The following MINK1 variants were observed in gnomAD, a reference collection of about 807,000 sequenced individuals.
MINK1 encodes the protein misshapen like kinase 1.
In MINK1, 46 loss-of-function variants were observed where a neutral mutation model predicts 178.4. The observed-to-expected ratio is 0.26, with a 90% CI of 0.20 to 0.33. The LOEUF (loss-of-function observed/expected upper bound fraction) is 0.33. Ranked by LOEUF, MINK1 falls within the 10% of genes least tolerant of loss-of-function variation. The pLI, the probability that MINK1 is intolerant of heterozygous loss-of-function variation, is 1.00. For missense variants in MINK1, 1,366 were observed against 1,814.9 expected (o/e 0.75, Z 4.49); for synonymous variants, 797 against 709.7 (o/e 1.12, Z -1.96).
rs938969125 is a variant in MINK1, at chr17:4,868,620, G to A, written c.58-9697G>A. Among the ~76,000 whole-genome samples the A allele has an allele frequency of 3.9e-5, 6 of 152,140 alleles. 1 individual carries two copies. The highest frequency in any genetic ancestry group is 4.8e-5 in the African/African-American group (2 of 41,422). Reference sequence around the variant, plus strand: ...TACTTTTTATGGATGAATAATATTCGATTGTATAGATATGCCATATTTTAT... The same window carrying A: ...TACTTTTTATGGATGAATAATATTCAATTGTATAGATATGCCATATTTTAT... On this transcript the variant is annotated intron_variant, in intron 1 of 31. Transcript: ENST00000355280.
At position 4,833,350 on chromosome 17, in the gene MINK1, C is replaced by T; in HGVS notation, c.-234C>T. The stretch of plus-strand genomic sequence containing the variant: ...CGCTTCCACCCTCCCAGTGCGCGGT[C>T]GCTCCGCGCCTGCGCAGGAGAGGTG... On this transcript the variant is annotated 5_prime_UTR_variant, in exon 1 of 32. Transcript: ENST00000355280. This position sits in a 1 kb window ranked among gnomAD's most constrained non-coding sequence, Gnocchi z 4.8. The T allele has an allele frequency of 1.6e-5, 7 of 433,436 alleles. No individual in the cohort carries two copies. In the South Asian group the frequency reaches 2.0e-4, roughly 13 times the overall value. 26.8% of individuals were successfully genotyped at this position (433,436 alleles called of 1,614,324 possible).
At position 4,890,742 on chromosome 17, in the gene MINK1, A is replaced by G; in HGVS notation, c.1566+7A>G. On this transcript the variant is annotated splice_region_variant and intron_variant, in intron 14 of 31. Coordinates refer to ENST00000355280, the MANE Select transcript of MINK1 (RefSeq NM_153827.5). ...ACCAGCCTGGGCCCGAGAGGTACTC[A>G]CTGCCTCCTTTGCCTCCTGAGACTG... 2 of 1,543,002 alleles carry G rather than the reference A, an allele frequency of 1.3e-6. No individual in the cohort carries two copies. Among genetic ancestry groups the G allele is most frequent in the Non-Finnish European group, 1.8e-6 (2 of 1,141,408 alleles).
At chr17:4,847,365 C>T (rs1302309875) in intron 1 of MINK1, among the ~76,000 whole-genome samples, 3 of 152,140 alleles carry the variant, frequency 2.0e-5, no homozygotes, top group South Asian at 4.1e-4. Context: ...CAGCCTCTAG[C>T]GTAGCTGAGA....
intron 1 of MINK1, among the ~76,000 whole-genome samples, chr17:4,850,709 T>C (rs1911815460): frequency 2.0e-5 from 3 of 152,202 alleles, no homozygotes; most frequent in Admixed American, 2.0e-4. Flanking sequence ...TTCTTGGTCA[T>C]GAAGCTTCTC....
chr17:4,871,897 A>C (rs1915901044), intron 1 of MINK1, among the ~76,000 whole-genome samples: 1 of 152,170 alleles, frequency 6.6e-6, no homozygotes, highest in African/African-American at 2.4e-5. Flanking sequence ...CCCAGGCTGA[A>C]GTACAGTGGC....
rs1298536850 is a variant in MINK1 at position 4,890,952 on chromosome 17, T to C, written c.1568T>C (p.Val523Ala). ...PADKPAWARE[V>A]EERTRMNKQQ... ...GCTTGACATCCCTTCACATCACAGGTAGAAGAGAGAACAAGGATGAACAAG... is the reference window on the plus strand; with the variant it reads ...GCTTGACATCCCTTCACATCACAGGCAGAAGAGAGAACAAGGATGAACAAG... Residue 523 changes from valine to alanine, a missense_variant and splice_region_variant, in exon 15 of 32, where the codon GTA becomes GCA. This residue lies in a region of MINK1 where 709 missense variants were observed against 692.3 expected (regional missense o/e 1.02). Coordinates refer to ENST00000355280, the MANE Select transcript of MINK1 (RefSeq NM_153827.5). The C allele has an allele frequency of 2.6e-6, 4 of 1,554,274 alleles. No homozygotes were observed. The highest frequency in any genetic ancestry group is 3.9e-5 in the Admixed American group (2 of 51,224).
At chr17:4,889,907 C>T (rs1005357366) in intron 13 of MINK1, 144 bp downstream of exon 13, 1 of 652,900 alleles carries the variant, frequency 1.5e-6, no homozygotes, top group Non-Finnish European at 2.6e-6. Flanking sequence ...TCTCTGTTTT[C>T]TCCCACCCTT....
intron 1 of MINK1, among the ~76,000 whole-genome samples, chr17:4,839,801 C>T (rs956804049): frequency 7.2e-5 from 11 of 152,202 alleles, no homozygotes; most frequent in Admixed American, 5.2e-4. Context: ...AGTGGCTAGA[C>T]AGCCTGAGGT....
rs1008407766 is a variant in MINK1 at position 4,887,515 on chromosome 17, C to T, written c.1020-65C>T. 70 of 1,399,364 alleles carry T rather than the reference C, an allele frequency of 5.0e-5. No individual in the cohort carries two copies. The highest frequency in any genetic ancestry group is 2.0e-4 in the Admixed American group (7 of 34,734). 86.7% of individuals were successfully genotyped at this position (1,399,364 alleles called of 1,614,324 possible). A position where few individuals can be genotyped will look rare whatever the true frequency, so the allele number is the denominator to read the frequency against. ...TAAAGCACCCACTCAGGCGGGCCCA[C>T]GGGGTTGAGAGTGGGAACCAACAGG... On this transcript the variant is annotated intron_variant, in intron 11 of 31. Coordinates refer to ENST00000355280, the MANE Select transcript of MINK1 (RefSeq NM_153827.5). This position sits in a 1 kb window ranked among gnomAD's most constrained non-coding sequence, Gnocchi z 7.6.
Position 4,833,425 on chromosome 17 carries a change from G to A in MINK1, c.-159G>A, listed in dbSNP as rs1908778917. 3.5e-6 allele frequency: 2 copies of A among 570,664 alleles called. No homozygotes were observed. Among genetic ancestry groups the A allele is most frequent in the Non-Finnish European group, 6.0e-6 (2 of 330,902 alleles). 35.4% of individuals were successfully genotyped at this position (570,664 alleles called of 1,614,324 possible). The stretch of plus-strand genomic sequence containing the variant: ...GGAGATAGCGCCTGTCAGTCGGTGG[G>A]TCGGTCCTCGCGCCGGCCCTCCCCC... On this transcript the variant is annotated 5_prime_UTR_variant, in exon 1 of 32. Coordinates refer to ENST00000355280, the MANE Select transcript of MINK1 (RefSeq NM_153827.5). This position sits in a 1 kb window ranked among gnomAD's most constrained non-coding sequence, Gnocchi z 4.8.
At chr17:4,844,567 T>G (rs1214817365) in intron 1 of MINK1, 2 of 511,712 alleles carry the variant, frequency 3.9e-6, no homozygotes, top group Admixed American at 4.0e-5. Flanking sequence ...GGAGAGTGAG[T>G]GACCTCAGCC....
At chr17:4,844,586 A>G (rs904089037) in intron 1 of MINK1, 3 of 512,402 alleles carry the variant, frequency 5.9e-6, no homozygotes, top group South Asian at 1.4e-5. Flanking sequence ...CCTGAGCTGA[A>G]CAGGTGGTGG....
chr17:4,892,827 C>T, intron 19 of MINK1, 59 bp downstream of exon 19: 2 of 1,494,514 alleles, frequency 1.3e-6, no homozygotes, highest in South Asian at 1.2e-5. Context: ...ACCATGGACC[C>T]TGCCTTTGGT....
At chr17:4,866,609 C>A (rs1397095556) in intron 1 of MINK1, among the ~76,000 whole-genome samples, 5 of 141,482 alleles carry the variant, frequency 3.5e-5, no homozygotes, top group African/African-American at 5.2e-5. Context: ...CTGATTCTAC[C>A]AAAAAAAAAA....
rs1285641048 is a variant in MINK1 at position 4,893,436 on chromosome 17, C to T, written c.2403C>T (p.Asp801=). 4 of 1,595,996 alleles carry T rather than the reference C, an allele frequency of 2.5e-6. No homozygotes were observed. Among genetic ancestry groups the T allele is most frequent in the Non-Finnish European group, 3.4e-6 (4 of 1,165,454 alleles). The change falls in exon 21 of 32, where the codon GAC becomes GAT. Residue 801 remains aspartate (D), a splice_region_variant and synonymous_variant. Coordinates refer to ENST00000355280, the MANE Select transcript of MINK1 (RefSeq NM_153827.5). ...DHRSRPGRPA[D]FVLLKERTLD... ...CCTCACGTGGCTCCTCCCTGCAGGA[C>T]TTTGTGTTGCTGAAAGAGCGGACTC...
intron 1 of MINK1, among the ~76,000 whole-genome samples, chr17:4,841,336 A>G (rs1422173442): frequency 3.3e-5 from 5 of 152,152 alleles, no homozygotes; most frequent in Non-Finnish European, 7.4e-5. Flanking sequence ...GTCTTGTTCC[A>G]GGAACCACCT....
rs374654522 is a variant in MINK1 at position 4,892,116 on chromosome 17, G to A, written c.2002-33G>A. 4.9e-5 allele frequency: 76 copies of A among 1,538,476 alleles called. 1 individual carries two copies. Among genetic ancestry groups the A allele is most frequent in the Admixed American group, 1.5e-4 (8 of 52,914 alleles). On this transcript the variant is annotated intron_variant, in intron 16 of 31. Coordinates refer to ENST00000355280, the MANE Select transcript of MINK1 (RefSeq NM_153827.5). ...ACATCTGAGAAGTGCCTGTCGCAGC[G>A]CCAGCTCGCAGCACGTGGACTTCTC... is the stretch of plus-strand genomic sequence containing the variant.
intron 1 of MINK1, among the ~76,000 whole-genome samples, chr17:4,840,820 T>A (rs1910103859): frequency 6.6e-6 from 1 of 152,096 alleles, no homozygotes; most frequent in Non-Finnish European, 1.5e-5. Flanking sequence ...AAGCCACAAG[T>A]CTTGGGCTTC....
chr17:4,896,672 A>C lies in MINK1; in HGVS notation c.3776-2A>C. 1 of 1,600,926 alleles carries C rather than the reference A, an allele frequency of 6.2e-7. No homozygotes were observed. Among genetic ancestry groups the C allele is most frequent in the Non-Finnish European group, 8.5e-7 (1 of 1,171,958 alleles). ...GCTCAGCCCCTCACCTGTTCCCCAC[A>C]GCCTACATCTGCTCCAACCAGATAA... On this transcript the variant is annotated splice_acceptor_variant, in intron 30 of 31. Coordinates refer to ENST00000355280, the MANE Select transcript of MINK1 (RefSeq NM_153827.5). LOFTEE classifies it high-confidence loss of function. This position sits in a 1 kb window ranked among gnomAD's most constrained non-coding sequence, Gnocchi z 4.6.
Sources: allele counts gnomAD v4.1 joint callset (sites outside exome capture counted in the v4.1 genomes callset), GRCh38; gene constraint gnomAD v4.1.1; regional missense constraint gnomAD v4.1.1; non-coding constraint Gnocchi (gnomAD v3.1); transcripts MANE v1.5; gene names NCBI Gene and HGNC (gene_info 2026-07-23, HGNC 2026-07-21).